DTD1: variants seen among roughly 807,000 people sequenced by gnomAD.
The protein encoded by DTD1 is D-tyrosyl-tRNA deacylase 1 homolog.
In DTD1, 13 loss-of-function variants were observed where a neutral mutation model predicts 25.6. The observed-to-expected ratio is 0.51, with a 90% CI of 0.33 to 0.81. The LOEUF (loss-of-function observed/expected upper bound fraction) is 0.81. Ranked by LOEUF, DTD1 falls within the 30% of genes least tolerant of loss-of-function variation. The pLI, the probability that DTD1 is intolerant of heterozygous loss-of-function variation, is 0.02. For synonymous variants in DTD1, 110 were observed against 103.6 expected (o/e 1.06, Z -0.37); for missense variants, 193 against 266.4 (o/e 0.72, Z 1.92).
Position 18,593,748 on chromosome 20 carries a change from AG to A in DTD1, c.62del (p.Ser21MetfsTer30). The A allele has an allele frequency of 6.2e-7, 1 of 1,613,984 alleles. No homozygotes were observed. Among genetic ancestry groups the A allele is most frequent in the Non-Finnish European group, 8.5e-7 (1 of 1,179,878 alleles). ...ASVTVGGEQI[S>X]AIGRGICVLL... ...CTTTCTAGTTGGAGGAGAGCAGATT[AG>A]TGCCATTGGAAGGGGCATATGTGTG... On this transcript the variant is annotated frameshift_variant, in exon 2 of 6. Transcript: ENST00000377452. LOFTEE classifies it high-confidence loss of function.
At chr20:18,637,915 C>A (rs2060813539) in intron 4 of DTD1, among the ~76,000 whole-genome samples, 1 of 152,168 alleles carries the variant, frequency 6.6e-6, no homozygotes, top group Non-Finnish European at 1.5e-5. Flanking sequence ...GAAATGAACT[C>A]CTTCCCTGTC....
At chr20:18,708,492 A>G (rs1177425099) in intron 4 of DTD1, among the ~76,000 whole-genome samples, 1 of 147,644 alleles carries the variant, frequency 6.8e-6, no homozygotes, top group Non-Finnish European at 1.5e-5. Flanking sequence ...AGTAGCTGGG[A>G]TTACAGCCAC....
intron 3 of DTD1, among the ~76,000 whole-genome samples, chr20:18,609,213 G>A (rs950415267): frequency 6.6e-5 from 10 of 151,556 alleles, no homozygotes; most frequent in Middle Eastern, 3.4e-3. Flanking sequence ...CGAGATCTCC[G>A]CTCACTGCAA....
chr20:18,747,494 T>G (rs1489681813), intron 5 of DTD1, among the ~76,000 whole-genome samples: 1 of 152,154 alleles, frequency 6.6e-6, no homozygotes, highest in East Asian at 1.9e-4. Flanking sequence ...CTGCTCCTGT[T>G]CCTTGAATGA....
intron 4 of DTD1, among the ~76,000 whole-genome samples, chr20:18,729,060 G>A (rs1303550036): frequency 6.6e-6 from 1 of 152,216 alleles, no homozygotes; most frequent in African/African-American, 2.4e-5. Flanking sequence ...CTAGAGTGCA[G>A]TGGTGCAGTC....
At chr20:18,708,891 G>C (rs777531587) in intron 4 of DTD1, among the ~76,000 whole-genome samples, 17 of 152,130 alleles carry the variant, frequency 1.1e-4, no homozygotes, top group Non-Finnish European at 2.2e-4. Flanking sequence ...AGTTCTGAAG[G>C]CTGCTCAAAA....
At chr20:18,591,471 G>A (rs1453143774) in intron 1 of DTD1, among the ~76,000 whole-genome samples, 1 of 151,912 alleles carries the variant, frequency 6.6e-6, no homozygotes, top group African/African-American at 2.4e-5. Context: ...TTTAGGAAAA[G>A]GTTATGACAT....
intron 4 of DTD1, among the ~76,000 whole-genome samples, chr20:18,708,322 ATAT>A (rs1568677076): frequency 3.4e-4 from 14 of 41,484 alleles, no homozygotes; most frequent in African/African-American, 1.1e-3. Context: ...TATATATATT[ATAT>A]ATATATATTT....
intron 4 of DTD1, among the ~76,000 whole-genome samples, chr20:18,633,148 C>G (rs965782738): frequency 6.6e-6 from 1 of 152,182 alleles, no homozygotes; most frequent in East Asian, 1.9e-4. Flanking sequence ...TTTGCTGAAG[C>G]CTTGCATTCC....
intron 4 of DTD1, chr20:18,631,906 C>G (rs1600332373): frequency 1.0e-6 from 1 of 984,508 alleles, no homozygotes; most frequent in East Asian, 1.1e-4. Flanking sequence ...AACCAGTACC[C>G]TCTTCTTGTT....
chr20:18,623,840 TTCTC>T (rs2060745980), intron 3 of DTD1, among the ~76,000 whole-genome samples: 1 of 150,090 alleles, frequency 6.7e-6, no homozygotes, highest in Non-Finnish European at 1.5e-5. Context: ...AGGGATCACT[TTCTC>T]TTACTTCTCA....
intron 4 of DTD1, among the ~76,000 whole-genome samples, chr20:18,687,390 G>C (rs2122425906): frequency 6.6e-6 from 1 of 152,282 alleles, no homozygotes; most frequent in East Asian, 1.9e-4. Context: ...AGTTAAGAGG[G>C]ATTAGAACTT....
chr20:18,698,316 C>G (rs1242981407), intron 4 of DTD1: 2 of 152,150 alleles, frequency 1.3e-5, no homozygotes, highest in Non-Finnish European at 2.9e-5. Context: ...AGTGGACACC[C>G]AGGATGGCAG....
chr20:18,714,760 A>G (rs1406911055), intron 4 of DTD1, among the ~76,000 whole-genome samples: 3 of 152,162 alleles, frequency 2.0e-5, no homozygotes, highest in African/African-American at 7.2e-5. Context: ...GAATCATCCA[A>G]GTCCTGGAGA....
At position 18,593,733 on chromosome 20, in the gene DTD1, G is replaced by T. The variant is rs2060599474; in HGVS notation, c.46G>T (p.Gly16Ter). The T allele has an allele frequency of 1.2e-6, 2 of 1,613,476 alleles. No homozygotes were observed. Among genetic ancestry groups the T allele is most frequent in the Non-Finnish European group, 8.5e-7 (1 of 1,179,478 alleles). ...QRVTRASVTV[G>*]GEQISAIGRG... ...TCTCCCTTTTGGTTCCTTTCTAGTT[G>T]GAGGAGAGCAGATTAGTGCCATTGG... The change falls in exon 2 of 6, where the codon GGA becomes TGA. Residue 16 changes from glycine (G) to a stop codon, truncating the protein, a stop_gained and splice_region_variant. Coordinates refer to ENST00000377452, the MANE Select transcript of DTD1 (RefSeq NM_080820.6). LOFTEE classifies it high-confidence loss of function.
chr20:18,681,664 C>T (rs2060997369), intron 4 of DTD1, among the ~76,000 whole-genome samples: 1 of 152,098 alleles, frequency 6.6e-6, no homozygotes, highest in Non-Finnish European at 1.5e-5. Flanking sequence ...AACTCTAAAT[C>T]CAGGGAAGTT....
intron 3 of DTD1, among the ~76,000 whole-genome samples, chr20:18,601,513 A>T (rs1395855455): frequency 2.0e-5 from 3 of 151,360 alleles, no homozygotes; most frequent in Non-Finnish European, 4.4e-5. Flanking sequence ...AAAAAAAAAA[A>T]AAAAAAAGCA....
intron 4 of DTD1, among the ~76,000 whole-genome samples, chr20:18,714,473 T>C (rs2061172121): frequency 6.6e-6 from 1 of 152,190 alleles, no homozygotes. Flanking sequence ...TTTTAGGACT[T>C]TTCATTGACT....
chr20:18,664,747 C>T (rs915082081), intron 4 of DTD1, among the ~76,000 whole-genome samples: 2 of 152,116 alleles, frequency 1.3e-5, no homozygotes, highest in Non-Finnish European at 2.9e-5. Context: ...ATCTACGGTT[C>T]TGGCAGAAGT....
Sources: allele counts gnomAD v4.1 joint callset (sites outside exome capture counted in the v4.1 genomes callset), GRCh38; gene constraint gnomAD v4.1.1; transcripts MANE v1.5; gene names NCBI Gene and HGNC (gene_info 2026-07-23, HGNC 2026-07-21).